KLF7: variants seen among roughly 807,000 people sequenced by gnomAD.
The protein encoded by KLF7 is KLF transcription factor 7.
In KLF7, 2 loss-of-function variants were observed where a neutral mutation model predicts 27.3. That is an observed-to-expected ratio of 0.07 (90% CI 0.03 to 0.23). KLF7 has a LOEUF of 0.23. Among genes scored for constraint, KLF7 ranks in the 10% least tolerant of loss-of-function variants. The pLI is 1.00. For synonymous variants in KLF7, 165 were observed against 162.4 expected, an observed-to-expected ratio of 1.02 and a Z score of -0.12; for missense variants, 221 against 394.1, an observed-to-expected ratio of 0.56 and a Z score of 3.72.
At chr2:207,127,321 G>A (rs2077508210) in intron 1 of KLF7, among the ~76,000 whole-genome samples, 1 of 152,164 alleles carries the variant, frequency 6.6e-6, no homozygotes, top group South Asian at 2.1e-4. Flanking sequence ...AATGATTGCT[G>A]TCTTAGGAAA....
rs1488804013 is a variant in KLF7, at chr2:207,124,185, T to C, written c.322A>G (p.Thr108Ala). 1 of 1,613,872 alleles carries C rather than the reference T, an allele frequency of 6.2e-7. No homozygotes were observed. The change falls in exon 2 of 4, where the codon ACC (threonine) becomes GCC (alanine). Residue 108 changes from threonine to alanine, a missense_variant. By Grantham distance (58) the Thr-to-Ala change is moderately conservative. Transcript: ENST00000309446. ...CTGGCCGGCTGGAGGCTGAGGCAGG[T>C]CTCAGATAGCAACTTGTCCCGAGAG... ...LLSRDKLLSE[T>A]CLSLQPASSS...
intron 2 of KLF7, among the ~76,000 whole-genome samples, chr2:207,101,324 T>C (rs1399439856): frequency 2.0e-5 from 3 of 152,186 alleles, no homozygotes; most frequent in Non-Finnish European, 4.4e-5. Context: ...CATGCATACA[T>C]ACAAAGAACA....
chr2:207,122,254 T>G lies in KLF7; in HGVS notation c.733+1520A>C, dbSNP rs72958370. On this transcript the variant is annotated intron_variant, in intron 2 of 3. Transcript: ENST00000309446. ...ATGGGAAACCATGAGTGGGTCTCTATGCCTGAGCCACGGGATATAAACATT... is the reference window on the plus strand; with the variant it reads ...ATGGGAAACCATGAGTGGGTCTCTAGGCCTGAGCCACGGGATATAAACATT... Among the ~76,000 whole-genome samples the G allele has an allele frequency of 5.0e-3, 768 of 152,292 alleles. 2 individuals are homozygous for G. Among genetic ancestry groups the G allele is most frequent in the Non-Finnish European group, 6.5e-3 (443 of 68,012 alleles).
In KLF7 at chr2:207,123,848, C is replaced by A; in HGVS notation, c.659G>T (p.Arg220Leu). The A allele has an allele frequency of 6.2e-7, 1 of 1,614,078 alleles. No individual in the cohort carries two copies. The highest frequency in any genetic ancestry group is 1.3e-5 in the African/African-American group (1 of 75,040). The change falls in exon 2 of 4, where the codon CGC (arginine) becomes CTC (leucine). Residue 220 changes from arginine to leucine, a missense_variant. This residue lies in a region of KLF7 where 30 missense variants were observed against 115.4 expected (regional missense o/e 0.26). Transcript: ENST00000309446. ...ACPENKKRVH[R>L]CQFNGCRKVY... ...TTTCCGGCACCCGTTAAACTGACAG[C>A]GGTGAACCCTCTTCTTGTTTTCGGG... is the stretch of plus-strand genomic sequence containing the variant.
intron 2 of KLF7, among the ~76,000 whole-genome samples, chr2:207,119,009 A>G (rs1388284452): frequency 6.6e-6 from 1 of 152,222 alleles, no homozygotes; most frequent in Non-Finnish European, 1.5e-5. Context: ...GAAAATGTAA[A>G]ATGCTAAGCA....
chr2:207,134,015 G>GCACA, intron 1 of KLF7: 1 of 1,421,256 alleles, frequency 7.0e-7, no homozygotes, highest in Admixed American at 2.1e-5. Context: ...TGTTAACTTT[G>GCACA]CACACACACT....
intron 1 of KLF7, among the ~76,000 whole-genome samples, chr2:207,126,508 T>C (rs1238963435): frequency 6.6e-6 from 1 of 152,208 alleles, no homozygotes; most frequent in African/African-American, 2.4e-5. Flanking sequence ...TGACCACTAA[T>C]ACATATCTCT....
At chr2:207,134,021 ACACT>A (rs1243348926) in intron 1 of KLF7, 2 of 1,461,020 alleles carry the variant, frequency 1.4e-6, no homozygotes, top group South Asian at 1.3e-5. Context: ...CTTTGCACAC[ACACT>A]CACACACCCT....
rs1188026697 is a variant in KLF7 at position 207,078,031 on chromosome 2, C to CT, written c.*3181dup. 1.3e-5 allele frequency: 2 copies of CT among 152,200 alleles called. No individual in the cohort carries two copies. Among genetic ancestry groups the CT allele is most frequent in the Non-Finnish European group, 2.9e-5 (2 of 68,032 alleles). The allele number at this position is 152,200 out of a possible 1,614,324, so 9.4% of individuals were successfully genotyped here. On this transcript the variant is annotated 3_prime_UTR_variant, in exon 4 of 4. Transcript: ENST00000309446. ...ACCAGTCCTCTTGGGAGCAAAATGT[C>CT]TTCAGGTTACTTCTTGGAAAACCTG...
At chr2:207,167,403 C>T (rs1433764431), upstream of KLF7, 1 of 298,886 alleles carries the variant, frequency 3.3e-6, no homozygotes, top group Admixed American at 5.1e-5. Context: ...TGAGAAACTT[C>T]GTTCTACCAG....
intron 3 of KLF7, among the ~76,000 whole-genome samples, chr2:207,086,153 G>C (rs990551950): frequency 2.2e-4 from 33 of 152,170 alleles, no homozygotes; most frequent in African/African-American, 7.7e-4. Context: ...TAAGAGACAA[G>C]AGGTGGTGCA....
chr2:207,149,840 G>A (rs958379811), intron 1 of KLF7, among the ~76,000 whole-genome samples: 1 of 152,186 alleles, frequency 6.6e-6, no homozygotes, highest in Non-Finnish European at 1.5e-5. Context: ...ATCTCCAAGA[G>A]CAACATACTG....
intron 1 of KLF7, among the ~76,000 whole-genome samples, chr2:207,163,549 G>GA (rs1484697428): frequency 7.2e-5 from 11 of 152,194 alleles, no homozygotes; most frequent in Non-Finnish European, 1.3e-4. Flanking sequence ...GCCAGATCTA[G>GA]AAAAGCAGGT....
chr2:207,166,256 G>T, upstream of KLF7: 1 of 907,280 alleles, frequency 1.1e-6, no homozygotes, highest in Non-Finnish European at 1.3e-6. Flanking sequence ...GCAGAGCCTG[G>T]GGCGGGGCTT....
intron 2 of KLF7, among the ~76,000 whole-genome samples, chr2:207,095,814 TCTCA>T (rs1160966224): frequency 6.6e-6 from 1 of 152,190 alleles, no homozygotes; most frequent in Non-Finnish European, 1.5e-5. Context: ...GTAAAATATT[TCTCA>T]CTAATAACTG....
At position 207,122,628 on chromosome 2, in the gene KLF7, C is replaced by T. The variant is rs2077368971; in HGVS notation, c.733+1146G>A. On this transcript the variant is annotated intron_variant, in intron 2 of 3. Coordinates refer to ENST00000309446, the MANE Select transcript of KLF7 (RefSeq NM_003709.4). ...GAGCTGGATAGTGGCAGAGTTAGAA[C>T]TAAAGCCCAGGTTGTTCTGATTTTC... 2.6e-5 allele frequency among the ~76,000 whole-genome samples: 4 copies of T among 152,148 alleles called. No homozygotes were observed. In the South Asian group the frequency reaches 8.3e-4, roughly 32 times the overall value.
intron 1 of KLF7, among the ~76,000 whole-genome samples, chr2:207,136,465 A>G (rs1647013244): frequency 6.6e-6 from 1 of 152,102 alleles, no homozygotes; most frequent in Non-Finnish European, 1.5e-5. Context: ...TTCATCGATT[A>G]TGTCTTAGCT....
upstream of KLF7, chr2:207,166,679 G>A (rs1054511119): frequency 8.2e-5 from 39 of 475,146 alleles, no homozygotes; most frequent in South Asian, 1.8e-4. Context: ...CGGGAAGGAA[G>A]GACAGTGGCC....
In KLF7 at chr2:207,134,110, T is replaced by C. The variant is rs991837290; in HGVS notation, c.103-9706A>G. ...GCCGAACCAGTTACATCATCTCCCC[T>C]TCCTCTCCCAAATCACTTGCACAGG... On this transcript the variant is annotated intron_variant, in intron 1 of 3. Transcript: ENST00000309446. 4.3e-5 allele frequency: 66 copies of C among 1,532,334 alleles called. No individual in the cohort carries two copies. The East Asian group carries it at 1.5e-3, about 35-fold the overall frequency. 94.9% of individuals were successfully genotyped at this position (1,532,334 alleles called of 1,614,324 possible).
Sources: gnomAD v4.1 joint callset for allele counts (sites outside exome capture counted in the v4.1 genomes callset) on GRCh38, gnomAD v4.1.1 for gene constraint, gnomAD v4.1.1 regional missense constraint, MANE v1.5 for transcripts, NCBI Gene and HGNC (gene_info 2026-07-23, HGNC 2026-07-21) for gene names.